OVCH1: variants seen among roughly 807,000 people sequenced by gnomAD.
The protein encoded by OVCH1 is ovochymase-1.
Under a neutral mutation model 138.4 loss-of-function variants are expected in OVCH1, and 139 were observed. The ratio of observed to expected loss-of-function variants is 1.00; its 90% confidence interval spans 0.87 to 1.16. OVCH1 has a LOEUF of 1.16. Ranked by LOEUF, OVCH1 falls within the 50% of genes most tolerant of loss-of-function variation. OVCH1 has a pLI of 0.00. For synonymous variants in OVCH1, 453 were observed against 467.8 expected, an observed-to-expected ratio of 0.97 and a Z score of 0.41; for missense variants, 1,367 against 1,357.9, an observed-to-expected ratio of 1.01 and a Z score of -0.11.
chr12:29,439,227 C>A, intron 26 of OVCH1: 2 of 1,165,212 alleles, frequency 1.7e-6, no homozygotes, highest in Non-Finnish European at 2.2e-6. Context: ...TTTAGAAGCT[C>A]AAAGTCCTTT....
chr12:29,445,417 T>G lies in OVCH1; in HGVS notation c.2756-14A>C. Reference sequence around the variant, plus strand: ...CATGTAATCCACCTAGGTTAAAAAGTGAACTCTAGTAAAAAATAAGAATGA... The same window carrying G: ...CATGTAATCCACCTAGGTTAAAAAGGGAACTCTAGTAAAAAATAAGAATGA... On this transcript the variant is annotated splice_polypyrimidine_tract_variant and intron_variant, in intron 22 of 27. Coordinates refer to ENST00000318184, the Ensembl canonical transcript of OVCH1. The G allele has an allele frequency of 6.3e-7, 1 of 1,591,920 alleles. No homozygotes were observed. The highest frequency in any genetic ancestry group is 8.5e-7 in the Non-Finnish European group (1 of 1,170,444).
At chr12:29,454,963 A>G in intron 20 of OVCH1, 30 bp from the exon 21 acceptor site, 1 of 1,549,570 alleles carries the variant, frequency 6.5e-7, no homozygotes, top group Non-Finnish European at 8.9e-7. Flanking sequence ...GTTAAAAATA[A>G]AGATGAAAGC....
intron 21 of OVCH1, among the ~76,000 whole-genome samples, chr12:29,452,327 T>A (rs1238176728): frequency 6.6e-6 from 1 of 152,186 alleles, no homozygotes; most frequent in African/African-American, 2.4e-5. Flanking sequence ...ATGCTTTTAT[T>A]CACAGTAGAG....
the OVCH1 span, among the ~76,000 whole-genome samples, chr12:29,404,441 C>T: frequency 6.6e-5 from 10 of 152,312 alleles, no homozygotes; most frequent in South Asian, 4.1e-4. Flanking sequence ...CTCTTTATCT[C>T]GCTGATTTCT....
rs188680528 is a variant in OVCH1 at position 29,472,840 on chromosome 12, T to G, written c.1675+189A>C. Among the ~76,000 whole-genome samples the G allele has an allele frequency of 1.2e-4, 19 of 152,340 alleles. No individual in the cohort carries two copies. The East Asian group carries it at 2.5e-3, about 20-fold the overall frequency. ...TCTTCCTAACCTAAAGCTCATTTGT[T>G]CTTCCCTCTATTTATGAGTCTAACT... is the stretch of plus-strand genomic sequence containing the variant. On this transcript the variant is annotated intron_variant, in intron 15 of 27. Transcript: ENST00000318184.
intron 16 of OVCH1, among the ~76,000 whole-genome samples, chr12:29,471,161 G>A (rs955632081): frequency 3.3e-5 from 5 of 152,118 alleles, no homozygotes; most frequent in African/African-American, 9.7e-5. Flanking sequence ...TAAACTGGAT[G>A]CTGGGAATAC....
At chr12:29,472,681 T>C (rs1942554294) in intron 15 of OVCH1, among the ~76,000 whole-genome samples, 1 of 152,220 alleles carries the variant, frequency 6.6e-6, no homozygotes, top group African/African-American at 2.4e-5. Flanking sequence ...ATAAGGAAAT[T>C]AAAAGATGCC....
intron 22 of OVCH1, 91 bp downstream of exon 22, chr12:29,451,254 C>G (rs1357173523): frequency 1.0e-6 from 1 of 977,728 alleles, no homozygotes; most frequent in Non-Finnish European, 1.5e-6. Context: ...ATTTTGGTAA[C>G]ATTATTACCA....
At chr12:29,413,227 C>A (rs557677717) in intron 3 of OVCH1, among the ~76,000 whole-genome samples, 1 of 152,120 alleles carries the variant, frequency 6.6e-6, no homozygotes, top group African/African-American at 2.4e-5. Context: ...CAAAAGGGAT[C>A]AGCCCAATTT....
chr12:29,497,567 C>G lies in OVCH1; in HGVS notation c.64+56G>C, dbSNP rs1943453205. Reference sequence around the variant, plus strand: ...GAGGCAAGGAGTAATGAAGTCTTCCCTCTCCAGCACGCTCAGCCTCCTCCG... The same window carrying G: ...GAGGCAAGGAGTAATGAAGTCTTCCGTCTCCAGCACGCTCAGCCTCCTCCG... On this transcript the variant is annotated intron_variant, in intron 1 of 27. Transcript: ENST00000318184. The G allele has an allele frequency of 3.1e-6, 5 of 1,599,384 alleles. No homozygotes were observed. The African/African-American group carries it at 4.0e-5, about 13-fold the overall frequency.
intron 16 of OVCH1, among the ~76,000 whole-genome samples, chr12:29,467,772 A>ACAC (rs1268365941): frequency 6.6e-6 from 1 of 152,206 alleles, no homozygotes; most frequent in Non-Finnish European, 1.5e-5. Flanking sequence ...TAAGTGTGGA[A>ACAC]CACCACCATC....
intron 16 of OVCH1, among the ~76,000 whole-genome samples, chr12:29,467,254 T>C (rs1277546348): frequency 6.6e-6 from 1 of 152,100 alleles, no homozygotes. Context: ...TAGAAGAGAG[T>C]GTATACAATA....
chr12:29,423,118 A>C (rs1246944177), downstream of OVCH1: 1 of 413,236 alleles, frequency 2.4e-6, no homozygotes, highest in East Asian at 7.2e-5. Context: ...TTTTAATGCA[A>C]TTACTTACCA....
chr12:29,432,876 G>A (rs1416047513), intron 27 of OVCH1, among the ~76,000 whole-genome samples: 2 of 152,142 alleles, frequency 1.3e-5, no homozygotes, highest in African/African-American at 2.4e-5. Flanking sequence ...GCTCGTCTGT[G>A]TCATGACTGA....
At position 29,427,750 on chromosome 12, in the gene OVCH1, G is replaced by T. The variant is rs77773246; in HGVS notation, c.3328-102C>A. 92 of 1,455,864 alleles carry T rather than the reference G, an allele frequency of 6.3e-5. No individual in the cohort carries two copies. In the East Asian group the frequency reaches 2.3e-3, roughly 36 times the overall value. 90.2% of individuals were successfully genotyped at this position (1,455,864 alleles called of 1,614,324 possible). ...CCTAGCTAACGGGGAAGCCAGGAGAGTAGCAACAGGGGTCTATATTCATTA... is the reference window on the plus strand; with the variant it reads ...CCTAGCTAACGGGGAAGCCAGGAGATTAGCAACAGGGGTCTATATTCATTA... On this transcript the variant is annotated intron_variant, in intron 27 of 27. Coordinates refer to ENST00000318184, the Ensembl canonical transcript of OVCH1.
At chr12:29,442,027 C>A (rs1405989665) in intron 25 of OVCH1, among the ~76,000 whole-genome samples, 54 of 151,342 alleles carry the variant, frequency 3.6e-4, no homozygotes, top group Non-Finnish European at 2.9e-5. Context: ...GTTGGTGGGA[C>A]TGTAAACTAG....
intron 27 of OVCH1, among the ~76,000 whole-genome samples, chr12:29,428,428 C>T (rs553912972): frequency 6.6e-6 from 1 of 152,208 alleles, no homozygotes; most frequent in South Asian, 2.1e-4. Context: ...TATACTCCCT[C>T]TCTGCAATGA....
intron 2 of OVCH1, 131 bp from the exon 3 acceptor site, chr12:29,496,409 A>G: frequency 8.8e-7 from 1 of 1,137,934 alleles, no homozygotes; most frequent in Non-Finnish European, 1.2e-6. Context: ...TTGGATAGTA[A>G]GATAGTTCCT....
At position 29,487,748 on chromosome 12, in the gene OVCH1, G is replaced by A. The variant is rs759329738; in HGVS notation, c.837C>T (p.Gly279=). ...TCAACTCAGACACTTTGGAGAAAAT[G>A]CCAAGTGATGCCTTCACATGGTTGT... is the stretch of plus-strand genomic sequence containing the variant. Residue 279 remains glycine (G), a synonymous_variant, in exon 7 of 28, where the codon GGC becomes GGT. Transcript: ENST00000318184. 2.5e-6 allele frequency: 4 copies of A among 1,605,646 alleles called. No individual in the cohort carries two copies. The Admixed American group carries it at 5.1e-5, about 20-fold the overall frequency.
Sources: gnomAD v4.1 joint callset for allele counts (sites outside exome capture counted in the v4.1 genomes callset) on GRCh38, gnomAD v4.1.1 for gene constraint, MANE v1.5 for transcripts, NCBI Gene and HGNC (gene_info 2026-07-23, HGNC 2026-07-21) for gene names.